TBC1D31: variants seen among roughly 807,000 people sequenced by gnomAD.
TBC1D31 encodes the protein WD repeat domain 67.
In TBC1D31, 99 loss-of-function variants were observed where a neutral mutation model predicts 132.9. The ratio of observed to expected loss-of-function variants is 0.74; its 90% CI spans 0.63 to 0.88. TBC1D31 has a LOEUF of 0.88. Among genes scored for constraint, TBC1D31 ranks in the 40% least tolerant of loss-of-function variants. The probability of loss-of-function intolerance (pLI) is 0.00; values close to 1 mark genes in which losing one functional copy is unlikely to be tolerated. For synonymous variants in TBC1D31, 385 were observed against 419.4 expected, an observed-to-expected ratio of 0.92 and a Z score of 1.00; for missense variants, 1,134 against 1,256.6, an observed-to-expected ratio of 0.90 and a Z score of 1.48.
intron 13 of TBC1D31, 111 bp downstream of exon 13, chr8:123,126,798 A>C (rs1244135886): frequency 1.0e-6 from 1 of 959,976 alleles, no homozygotes; most frequent in East Asian, 2.7e-5. Context: ...CTGGAGTGCA[A>C]TGGCGCGATC....
intron 10 of TBC1D31, among the ~76,000 whole-genome samples, chr8:123,112,592 A>G (rs1818555976): frequency 6.6e-6 from 1 of 152,142 alleles, no homozygotes; most frequent in African/African-American, 2.4e-5. Flanking sequence ...TACCTGCATT[A>G]TGCACCATTA....
intron 4 of TBC1D31, among the ~76,000 whole-genome samples, chr8:123,092,252 T>C (rs1322331100): frequency 1.3e-5 from 2 of 152,102 alleles, no homozygotes; most frequent in Non-Finnish European, 2.9e-5. Flanking sequence ...TGACCTCAGG[T>C]GATCCACCCA....
Position 123,144,701 on chromosome 8 carries a change from A to C in TBC1D31, c.2836-16A>C, listed in dbSNP as rs760408957. On this transcript the variant is annotated splice_polypyrimidine_tract_variant and intron_variant, in intron 19 of 21. Coordinates refer to ENST00000287380, the MANE Select transcript of TBC1D31 (RefSeq NM_145647.4). Reference sequence around the variant, plus strand: ...TACTTTTTATGTAATCTTTTTTTCCATTTATTTGAATTTAGTGGAAGGAAG... The same window carrying C: ...TACTTTTTATGTAATCTTTTTTTCCCTTTATTTGAATTTAGTGGAAGGAAG... 1.3e-6 allele frequency: 2 copies of C among 1,592,048 alleles called. No homozygotes were observed. Among genetic ancestry groups the C allele is most frequent in the Non-Finnish European group, 8.5e-7 (1 of 1,173,810 alleles).
At chr8:123,150,561 A>G (rs1289251953) in intron 21 of TBC1D31, among the ~76,000 whole-genome samples, 1 of 152,204 alleles carries the variant, frequency 6.6e-6, no homozygotes, top group East Asian at 1.9e-4. Flanking sequence ...ACAACCATTG[A>G]AAACATGTGT....
chr8:123,145,871 CTTTT>C (rs57816964), intron 20 of TBC1D31, among the ~76,000 whole-genome samples: 2 of 133,502 alleles, frequency 1.5e-5, no homozygotes, highest in African/African-American at 2.8e-5. Context: ...TTCTCTTTTT[CTTTT>C]TTTTTTTTTT....
At chr8:123,105,899 T>A (rs1469973404) in intron 8 of TBC1D31, among the ~76,000 whole-genome samples, 1 of 152,080 alleles carries the variant, frequency 6.6e-6, no homozygotes, top group Non-Finnish European at 1.5e-5. Flanking sequence ...AACATTACCA[T>A]CAGCTTATTG....
chr8:123,090,227 G>C (rs1204365831), intron 4 of TBC1D31, among the ~76,000 whole-genome samples: 1 of 152,182 alleles, frequency 6.6e-6, no homozygotes, highest in African/African-American at 2.4e-5. Flanking sequence ...GGAAACCGAA[G>C]TTCAGAAATA....
At chr8:123,123,970 T>G (rs1472510135) in intron 11 of TBC1D31, among the ~76,000 whole-genome samples, 1 of 152,138 alleles carries the variant, frequency 6.6e-6, no homozygotes, top group Non-Finnish European at 1.5e-5. Flanking sequence ...CACAAATTAG[T>G]TATTTTGAAT....
chr8:123,158,934 C>A, the TBC1D31 span, among the ~76,000 whole-genome samples: 1 of 152,230 alleles, frequency 6.6e-6, no homozygotes, highest in East Asian at 1.9e-4. Flanking sequence ...ATCCCACGGT[C>A]TAGGGTGGGA....
At chr8:123,162,820 C>T in the TBC1D31 span, among the ~76,000 whole-genome samples, 1 of 151,878 alleles carries the variant, frequency 6.6e-6, no homozygotes, top group Non-Finnish European at 1.5e-5. Flanking sequence ...AAACAGCAAG[C>T]ATGTGTTTTC....
At chr8:123,121,603 T>C (rs1819494055) in intron 11 of TBC1D31, among the ~76,000 whole-genome samples, 1 of 152,188 alleles carries the variant, frequency 6.6e-6, no homozygotes, top group South Asian at 2.1e-4. Context: ...CCCTGTGCTC[T>C]CGTTCCTGCC....
At chr8:123,084,098 T>C (rs1168817524) in intron 3 of TBC1D31, 64 bp from the exon 4 acceptor site, 1 of 1,372,654 alleles carries the variant, frequency 7.3e-7, no homozygotes, top group Non-Finnish European at 1.0e-6. Context: ...ATGGTGTTTA[T>C]ATGTAATGTT....
At chr8:123,107,837 A>G (rs151245438) in intron 8 of TBC1D31, among the ~76,000 whole-genome samples, 278 of 152,332 alleles carry the variant, frequency 1.8e-3, no homozygotes, top group African/African-American at 6.4e-3. Context: ...CAAGTCCTCA[A>G]CTAATCTTTG....
chr8:123,098,808 T>C (rs985940840), intron 6 of TBC1D31, among the ~76,000 whole-genome samples: 1 of 152,220 alleles, frequency 6.6e-6, no homozygotes, highest in African/African-American at 2.4e-5. Context: ...GTTGAAATAG[T>C]GGCATAAAGG....
the TBC1D31 span, among the ~76,000 whole-genome samples, chr8:123,159,268 GAAA>G: frequency 4.3e-5 from 4 of 93,930 alleles, no homozygotes; most frequent in African/African-American, 1.5e-4. Context: ...ATTTGAACAG[GAAA>G]AAAAAAAAAA....
At chr8:123,154,840 G>A (rs1236377288), downstream of TBC1D31, among the ~76,000 whole-genome samples, 2 of 152,178 alleles carry the variant, frequency 1.3e-5, no homozygotes, top group South Asian at 2.1e-4. Flanking sequence ...ACCACTGGTG[G>A]GCCGTGAAGC....
At chr8:123,092,149 G>A (rs1344313096) in intron 4 of TBC1D31, among the ~76,000 whole-genome samples, 1 of 151,918 alleles carries the variant, frequency 6.6e-6, no homozygotes. Flanking sequence ...TGAGTAGCTG[G>A]GATTACAGGC....
intron 20 of TBC1D31, among the ~76,000 whole-genome samples, chr8:123,146,331 C>T (rs1457173761): frequency 6.6e-6 from 1 of 152,164 alleles, no homozygotes; most frequent in Non-Finnish European, 1.5e-5. Context: ...TCCCCATTTC[C>T]ACTCACTCCC....
intron 10 of TBC1D31, among the ~76,000 whole-genome samples, chr8:123,116,170 CA>C (rs1256666437): frequency 2.0e-5 from 3 of 152,016 alleles, no homozygotes; most frequent in Non-Finnish European, 4.4e-5. Flanking sequence ...TTAAAGATGT[CA>C]TTTCAAAGTA....
Sources: gnomAD v4.1 joint callset for allele counts (sites outside exome capture counted in the v4.1 genomes callset) on GRCh38, gnomAD v4.1.1 for gene constraint, MANE v1.5 for transcripts, NCBI Gene and HGNC (gene_info 2026-07-23, HGNC 2026-07-21) for gene names.